SGCD: variants seen among roughly 807,000 people sequenced by gnomAD.
SGCD encodes delta-sarcoglycan.
SGCD carries 18 observed loss-of-function variants against 36.6 expected under a neutral mutation model. That is an observed-to-expected ratio of 0.49 (90% CI 0.34 to 0.73). The LOEUF is 0.73. Ranked by LOEUF, SGCD falls within the 30% of genes least tolerant of loss-of-function variation. The pLI is 0.01. For synonymous variants in SGCD, 133 were observed against 130.6 expected (o/e 1.02, Z -0.12); for missense variants, 387 against 346.7 (o/e 1.12, Z -0.92).
intron 6 of SGCD, among the ~76,000 whole-genome samples, chr5:156,636,252 G>A (rs1430961844): frequency 6.6e-6 from 1 of 152,136 alleles, no homozygotes; most frequent in Non-Finnish European, 1.5e-5. Context: ...TGGAAAAGAA[G>A]TTATCCAGTA....
chr5:156,449,805 A>T (rs7713835), intron 3 of SGCD, among the ~76,000 whole-genome samples: 38,482 of 144,740 alleles, frequency 0.27, 5,459 homozygotes, highest in African/African-American at 0.36. Context: ...TGAGCCAAGA[A>T]TGCGCCACTG....
intron 7 of SGCD, among the ~76,000 whole-genome samples, chr5:156,720,660 A>T (rs1755451440): frequency 6.6e-6 from 1 of 152,234 alleles, no homozygotes; most frequent in African/African-American, 2.4e-5. Flanking sequence ...CAGGGTCATG[A>T]AGAATCAATG....
chr5:156,156,455 C>T (rs1458641241), intron 3 of SGCD, among the ~76,000 whole-genome samples: 2 of 151,454 alleles, frequency 1.3e-5, no homozygotes, highest in East Asian at 1.9e-4. Context: ...ATGGCAAAAC[C>T]CTGTTTCTAT....
intron 4 of SGCD, 57 bp from the exon 5 acceptor site, chr5:156,589,173 GT>G (rs1361864447): frequency 2.4e-6 from 3 of 1,275,500 alleles, no homozygotes; most frequent in Non-Finnish European, 3.3e-6. Context: ...TGTAATGACA[GT>G]TCTTTTTGTT....
chr5:156,238,359 C>T (rs249893), intron 3 of SGCD, among the ~76,000 whole-genome samples: 7 of 152,102 alleles, frequency 4.6e-5, no homozygotes, highest in Non-Finnish European at 7.4e-5. Flanking sequence ...AGCGGGGATC[C>T]CTTTCCCTGG....
chr5:156,514,325 A>G (rs1440323038), intron 4 of SGCD, among the ~76,000 whole-genome samples: 2 of 152,162 alleles, frequency 1.3e-5, no homozygotes, highest in Non-Finnish European at 2.9e-5. Flanking sequence ...TTTATTAAGC[A>G]CCTATTATTG....
At chr5:155,888,954 C>T (rs918821967) in intron 1 of SGCD, among the ~76,000 whole-genome samples, 1 of 152,208 alleles carries the variant, frequency 6.6e-6, no homozygotes, top group Non-Finnish European at 1.5e-5. Context: ...CATCTTATTA[C>T]CTTGCTGATC....
Position 156,583,645 on chromosome 5 carries a change from AC to A in SGCD, c.295-5584del, listed in dbSNP as rs200541850. 1.5e-3 allele frequency among the ~76,000 whole-genome samples: 235 copies of A among 152,228 alleles called. 2 individuals are homozygous for A. In the East Asian group the frequency reaches 0.037, roughly 24 times the overall value. ...TTCTCATTTCTGAAGAAAATTCAAA[AC>A]CGTTAAAATGGAGTATGAAGGCAAA... On this transcript the variant is annotated intron_variant, in intron 4 of 8. Transcript: ENST00000337851.
intron 3 of SGCD, among the ~76,000 whole-genome samples, chr5:156,383,738 C>T (rs932717119): frequency 2.6e-5 from 4 of 152,154 alleles, no homozygotes; most frequent in African/African-American, 9.7e-5. Flanking sequence ...TATCTCTTCA[C>T]ATTAGAAACT....
At chr5:156,325,936 C>T (rs182713731), upstream of SGCD, among the ~76,000 whole-genome samples, 24 of 152,262 alleles carry the variant, frequency 1.6e-4, no homozygotes, top group African/African-American at 4.3e-4. Context: ...ACGACCCCAC[C>T]GAATCCTATT....
chr5:155,994,293 A>C (rs1055746844), intron 1 of SGCD, among the ~76,000 whole-genome samples: 8 of 152,336 alleles, frequency 5.3e-5, no homozygotes, highest in African/African-American at 1.9e-4. Context: ...TCTGAGCAGC[A>C]TATATCTCAT....
intron 3 of SGCD, among the ~76,000 whole-genome samples, chr5:156,307,617 A>C (rs559842871): frequency 1.1e-5 from 1 of 86,960 alleles, no homozygotes; most frequent in African/African-American, 4.3e-5. Context: ...TTTGTGTTTA[A>C]CTGATTTTTT....
At chr5:156,401,603 G>T (rs979272669) in intron 3 of SGCD, among the ~76,000 whole-genome samples, 2 of 152,110 alleles carry the variant, frequency 1.3e-5, no homozygotes, top group Non-Finnish European at 2.9e-5. Flanking sequence ...GACCATAGTT[G>T]GTTAATTAGA....
At chr5:156,042,140 A>G (rs1422025061) in intron 1 of SGCD, among the ~76,000 whole-genome samples, 1 of 152,120 alleles carries the variant, frequency 6.6e-6, no homozygotes, top group Non-Finnish European at 1.5e-5. Flanking sequence ...CAAATCTGGA[A>G]GTTAGGTACA....
chr5:156,129,733 G>A (rs748394085), intron 3 of SGCD, among the ~76,000 whole-genome samples: 1 of 152,058 alleles, frequency 6.6e-6, no homozygotes, highest in Non-Finnish European at 1.5e-5. Flanking sequence ...AAGTGAGAAC[G>A]TGAGGTATTT....
At chr5:156,147,857 T>C (rs1267605932) in intron 3 of SGCD, among the ~76,000 whole-genome samples, 1 of 152,216 alleles carries the variant, frequency 6.6e-6, no homozygotes, top group Non-Finnish European at 1.5e-5. Flanking sequence ...GTTAAATGAC[T>C]CATTGAAGCC....
intron 1 of SGCD, among the ~76,000 whole-genome samples, chr5:156,038,850 C>T (rs1055714309): frequency 2.0e-5 from 3 of 152,082 alleles, no homozygotes; most frequent in Non-Finnish European, 4.4e-5. Flanking sequence ...TAATTTTTTT[C>T]CTGTCTAACA....
intron 6 of SGCD, among the ~76,000 whole-genome samples, chr5:156,622,670 A>G (rs2113503935): frequency 6.6e-6 from 1 of 152,262 alleles, no homozygotes; most frequent in South Asian, 2.1e-4. Flanking sequence ...GATGAAGAGT[A>G]GGACAATCAT....
chr5:156,072,108 T>C (rs2127588209), intron 1 of SGCD, among the ~76,000 whole-genome samples: 1 of 152,286 alleles, frequency 6.6e-6, no homozygotes, highest in South Asian at 2.1e-4. Flanking sequence ...TGTCTTTTAA[T>C]TGGAGCATTT....
Sources: allele counts gnomAD v4.1 joint callset (sites outside exome capture counted in the v4.1 genomes callset), GRCh38; gene constraint gnomAD v4.1.1; transcripts MANE v1.5; gene names NCBI Gene and HGNC (gene_info 2026-07-23, HGNC 2026-07-21).